Variants in ATG5 observed in about 807,000 individuals in gnomAD.
The protein encoded by ATG5 is autophagy protein 5.
ATG5 carries 14 observed loss-of-function variants against 36.5 expected under a neutral mutation model. The ratio of observed to expected loss-of-function variants is 0.38; its 90% CI spans 0.25 to 0.60. The LOEUF is 0.60. ATG5 is among the 20% of genes least tolerant of loss of function. ATG5 has a pLI of 0.60. For missense variants in ATG5, 195 were observed against 326.7 expected, an observed-to-expected ratio of 0.60 and a Z score of 3.11; for synonymous variants, 95 against 101.5, an observed-to-expected ratio of 0.94 and a Z score of 0.38.
At chr6:106,319,551 T>G (rs775730281) in intron 1 of ATG5, among the ~76,000 whole-genome samples, 19 of 152,210 alleles carry the variant, frequency 1.2e-4, no homozygotes, top group Non-Finnish European at 2.1e-4. Flanking sequence ...GGTGGTACCC[T>G]TACCCTAAAG....
intron 5 of ATG5, among the ~76,000 whole-genome samples, chr6:106,259,318 A>G (rs920378096): frequency 1.3e-5 from 2 of 152,208 alleles, no homozygotes; most frequent in African/African-American, 4.8e-5. Context: ...TACATAGTGT[A>G]TCCTGTTAGG....
chr6:106,235,392 C>A (rs973177232), intron 6 of ATG5, among the ~76,000 whole-genome samples: 1 of 152,136 alleles, frequency 6.6e-6, no homozygotes, highest in Non-Finnish European at 1.5e-5. Flanking sequence ...ACTGCACAAC[C>A]CCTACTATGC....
intron 6 of ATG5, among the ~76,000 whole-genome samples, chr6:106,210,131 C>T (rs567671023): frequency 2.4e-4 from 37 of 152,248 alleles, no homozygotes; most frequent in African/African-American, 7.7e-4. Context: ...AACAGTTGCT[C>T]GGTTGGACAG....
intron 3 of ATG5, among the ~76,000 whole-genome samples, chr6:106,298,529 C>T (rs949192736): frequency 6.6e-6 from 1 of 151,166 alleles, no homozygotes; most frequent in Non-Finnish European, 1.5e-5. Flanking sequence ...CCAGCCTGGG[C>T]GACAGAGGGA....
chr6:106,316,971 C>T (rs1770875595), intron 1 of ATG5, among the ~76,000 whole-genome samples: 1 of 152,150 alleles, frequency 6.6e-6, no homozygotes, highest in Non-Finnish European at 1.5e-5. Flanking sequence ...GCAAACCATG[C>T]TCACAGCCCT....
chr6:106,240,970 T>C (rs1223039672), intron 6 of ATG5, among the ~76,000 whole-genome samples: 1 of 152,148 alleles, frequency 6.6e-6, no homozygotes, highest in African/African-American at 2.4e-5. Flanking sequence ...CTGGCCAACA[T>C]GGCAAAACCC....
chr6:106,290,497 T>C (rs890684709), intron 4 of ATG5, among the ~76,000 whole-genome samples: 3 of 151,468 alleles, frequency 2.0e-5, no homozygotes, highest in African/African-American at 7.3e-5. Context: ...ATTTTTAAAC[T>C]TTTTGTAGAG....
chr6:106,193,336 T>C (rs914716559), intron 7 of ATG5, among the ~76,000 whole-genome samples: 8 of 152,216 alleles, frequency 5.3e-5, no homozygotes, highest in African/African-American at 1.9e-4. Context: ...CATATCTCTT[T>C]CCATGTATAC....
Position 106,220,965 on chromosome 6 carries a change from T to C in ATG5, c.574-18876A>G, listed in dbSNP as rs1256498501. ...AGAAACCAATATCCAATAGTAAAGT[T>C]GAAGAAATAAACATTCTTTGGACAG... On this transcript the variant is annotated intron_variant, in intron 6 of 7. Transcript: ENST00000369076. Among the ~76,000 whole-genome samples, 4 of 152,190 alleles carry C rather than the reference T, an allele frequency of 2.6e-5. No homozygotes were observed. In the East Asian group the frequency reaches 7.7e-4, roughly 29 times the overall value.
At chr6:106,257,774 T>C (rs191936266) in intron 5 of ATG5, among the ~76,000 whole-genome samples, 6 of 152,346 alleles carry the variant, frequency 3.9e-5, no homozygotes, top group Admixed American at 3.3e-4. Flanking sequence ...GGTAGCTACA[T>C]GGAAAATACC....
intron 5 of ATG5, among the ~76,000 whole-genome samples, chr6:106,278,153 C>T (rs1376023659): frequency 6.6e-6 from 1 of 152,130 alleles, no homozygotes; most frequent in Non-Finnish European, 1.5e-5. Context: ...GTTGCCCAGG[C>T]TGGTCTCCAA....
intron 5 of ATG5, among the ~76,000 whole-genome samples, chr6:106,256,175 T>C (rs1195175228): frequency 6.6e-6 from 1 of 151,184 alleles, no homozygotes. Context: ...GGTAATTCTC[T>C]CTTTAATACA....
intron 6 of ATG5, among the ~76,000 whole-genome samples, chr6:106,222,758 C>G (rs933267323): frequency 6.6e-6 from 1 of 152,150 alleles, no homozygotes; most frequent in Non-Finnish European, 1.5e-5. Flanking sequence ...AGGTAGGTAA[C>G]CCTGAGCAAG....
At chr6:106,231,045 C>A (rs573927898) in intron 6 of ATG5, among the ~76,000 whole-genome samples, 1 of 151,534 alleles carries the variant, frequency 6.6e-6, no homozygotes, top group Non-Finnish European at 1.5e-5. Flanking sequence ...TCAACCCAAA[C>A]GGTCCAAAAG....
At chr6:106,202,148 A>C in intron 6 of ATG5, 59 bp from the exon 7 acceptor site, 4 of 1,314,620 alleles carry the variant, frequency 3.0e-6, no homozygotes, top group Non-Finnish European at 3.3e-6. Context: ...GCCAATTACA[A>C]ATTTATATAT....
intron 4 of ATG5, among the ~76,000 whole-genome samples, chr6:106,281,915 T>C (rs1243225839): frequency 1.3e-5 from 2 of 152,214 alleles, no homozygotes; most frequent in Non-Finnish European, 2.9e-5. Flanking sequence ...TACATTTCCA[T>C]GATGACTAAA....
intron 6 of ATG5, among the ~76,000 whole-genome samples, chr6:106,240,997 A>T (rs1778103206): frequency 6.6e-6 from 1 of 152,182 alleles, no homozygotes; most frequent in Non-Finnish European, 1.5e-5. Context: ...TACAAAAAAT[A>T]CAAAAATTAG....
At chr6:106,267,622 G>C (rs952114431) in intron 5 of ATG5, among the ~76,000 whole-genome samples, 5 of 152,142 alleles carry the variant, frequency 3.3e-5, no homozygotes, top group African/African-American at 1.2e-4. Context: ...AAACAGCATG[G>C]TACTGGTACC....
At position 106,207,127 on chromosome 6, in the gene ATG5, T is replaced by C. The variant is rs1776665267; in HGVS notation, c.574-5038A>G. Among the ~76,000 whole-genome samples the C allele has an allele frequency of 6.6e-5, 10 of 152,338 alleles. 1 individual carries two copies. In the South Asian group the frequency reaches 2.1e-3, roughly 32 times the overall value. On this transcript the variant is annotated intron_variant, in intron 6 of 7. Coordinates refer to ENST00000369076, the MANE Select transcript of ATG5 (RefSeq NM_004849.4). ...ACATGATGTAAGTCACCTTTGAAAC[T>C]GTCCTTGTTACTTTTTCAAATGTAT... is the stretch of plus-strand genomic sequence containing the variant.
Sources: gnomAD v4.1 joint callset for allele counts (sites outside exome capture counted in the v4.1 genomes callset) on GRCh38, gnomAD v4.1.1 for gene constraint, MANE v1.5 for transcripts, NCBI Gene and HGNC (gene_info 2026-07-23, HGNC 2026-07-21) for gene names.